The following UTS2B variants were observed in gnomAD, a reference collection of about 807,000 sequenced individuals.
UTS2B encodes urotensin 2B.
Under a neutral mutation model 19.2 loss-of-function variants are expected in UTS2B, and 21 were observed. That is an observed-to-expected ratio of 1.09 (90% CI 0.78 to 1.58). The LOEUF is 1.58. Ranked by LOEUF, UTS2B falls within the 40% of genes most tolerant of loss-of-function variation. UTS2B has a pLI of 0.00. For synonymous variants in UTS2B, 57 were observed against 50.2 expected (o/e 1.14, Z -0.58); for missense variants, 138 against 130.3 (o/e 1.06, Z -0.29).
chr3:191,286,426 C>T (rs1716545842), intron 4 of UTS2B, among the ~76,000 whole-genome samples: 1 of 152,038 alleles, frequency 6.6e-6, no homozygotes, highest in Non-Finnish European at 1.5e-5. Flanking sequence ...ATATCTTCTC[C>T]AACTGCAATG....
chr3:191,277,348 C>A (rs1716264914), intron 6 of UTS2B, among the ~76,000 whole-genome samples: 1 of 151,858 alleles, frequency 6.6e-6, no homozygotes, highest in Non-Finnish European at 1.5e-5. Flanking sequence ...AGTTTAAAAA[C>A]CCTGAATTTT....
intron 3 of UTS2B, among the ~76,000 whole-genome samples, 172 bp downstream of exon 3, chr3:191,315,864 T>G (rs1717433324): frequency 6.6e-6 from 1 of 152,240 alleles, no homozygotes. Context: ...ACACTCAGAT[T>G]CAAGGTAAAC....
chr3:191,344,072 A>G, the UTS2B span, among the ~76,000 whole-genome samples: 1 of 152,244 alleles, frequency 6.6e-6, no homozygotes, highest in Non-Finnish European at 1.5e-5. Context: ...AGTGGCTGAC[A>G]CAAGACCAGT....
In UTS2B at chr3:191,278,361, G is replaced by C. The variant is rs566436943; in HGVS notation, c.104-191C>G. Among the ~76,000 whole-genome samples the C allele has an allele frequency of 3.1e-3, 470 of 152,086 alleles. 4 individuals carry two copies. Among genetic ancestry groups the C allele is most frequent in the African/African-American group, 0.011 (441 of 41,532 alleles). ...TTGAATGAATATGGACAGTCAGACA[G>C]ACACAGAGAGAGAATATATGCATAT... is the stretch of plus-strand genomic sequence containing the variant. On this transcript the variant is annotated intron_variant, in intron 5 of 8. Transcript: ENST00000340524.
chr3:191,301,102 C>G (rs1290416626), intron 4 of UTS2B, among the ~76,000 whole-genome samples: 1 of 125,996 alleles, frequency 7.9e-6, no homozygotes, highest in Non-Finnish European at 1.8e-5. Context: ...AAATATGTCA[C>G]CTTCTTTCCT....
At chr3:191,288,415 C>T (rs570199382) in intron 4 of UTS2B, among the ~76,000 whole-genome samples, 13 of 152,240 alleles carry the variant, frequency 8.5e-5, no homozygotes, top group African/African-American at 3.1e-4. Context: ...ATGCCACTGG[C>T]ATAACAACAG....
Position 191,324,265 on chromosome 3 carries a change from T to C in UTS2B, c.-586+4366A>G, listed in dbSNP as rs76866246. 7.1e-3 allele frequency among the ~76,000 whole-genome samples: 1,089 copies of C among 152,328 alleles called. 6 individuals carry two copies. Among genetic ancestry groups the C allele is most frequent in the Non-Finnish European group, 0.011 (770 of 68,026 alleles). On this transcript the variant is annotated intron_variant, in intron 2 of 8. Coordinates refer to ENST00000340524, the MANE Select transcript of UTS2B (RefSeq NM_198152.5). The stretch of plus-strand genomic sequence containing the variant: ...CTCTTACCAGATGGGACTCCTTCAA[T>C]TGGAGGCATTCATAAGTGTAACAAA...
chr3:191,316,075 G>A lies in UTS2B; in HGVS notation c.-221C>T, dbSNP rs1001114179. On this transcript the variant is annotated 5_prime_UTR_variant, in exon 3 of 9. Transcript: ENST00000340524. ...GCTTCTCTTGACATAGCTCAAGTGG[G>A]TTTTGAAGATCAGTTTCCAAAGTGG... is the stretch of plus-strand genomic sequence containing the variant. The A allele has an allele frequency of 3.9e-5, 6 of 152,172 alleles. No individual in the cohort carries two copies. Among genetic ancestry groups the A allele is most frequent in the Admixed American group, 3.3e-4 (5 of 15,280 alleles). 9.4% of individuals were successfully genotyped at this position (152,172 alleles called of 1,614,324 possible).
At chr3:191,289,675 CAG>C (rs1171730004) in intron 4 of UTS2B, among the ~76,000 whole-genome samples, 1 of 151,824 alleles carries the variant, frequency 6.6e-6, no homozygotes, top group Non-Finnish European at 1.5e-5. Context: ...TAAAATAAAA[CAG>C]ACACAGAAGG....
upstream of UTS2B, among the ~76,000 whole-genome samples, chr3:191,332,170 G>A (rs1718011343): frequency 6.6e-6 from 1 of 152,174 alleles, no homozygotes; most frequent in African/African-American, 2.4e-5. Flanking sequence ...GAGGTCGTGG[G>A]TAGCAGCTGA....
Position 191,316,029 on chromosome 3 carries a change from T to G in UTS2B, c.-182+7A>C, listed in dbSNP as rs1050021237. ...CAAATTGGGTAAGGTCAGAGAGCTCTTCTTACCTGTGTCACAGGTGGCTTC... is the reference window on the plus strand; with the variant it reads ...CAAATTGGGTAAGGTCAGAGAGCTCGTCTTACCTGTGTCACAGGTGGCTTC... On this transcript the variant is annotated splice_region_variant and intron_variant, in intron 3 of 8. Coordinates refer to ENST00000340524, the MANE Select transcript of UTS2B (RefSeq NM_198152.5). 1.1e-4 allele frequency: 16 copies of G among 152,364 alleles called. No individual in the cohort carries two copies. The highest frequency in any genetic ancestry group is 3.6e-4 in the African/African-American group (15 of 41,592). The allele number at this position is 152,364 out of a possible 1,614,324, so 9.4% of individuals were successfully genotyped here.
intron 2 of UTS2B, 123 bp from the exon 3 acceptor site, chr3:191,316,562 A>ACATTTTACAGAGAGCTGATTGGTC (rs1717458642): frequency 6.6e-6 from 1 of 152,266 alleles, no homozygotes; most frequent in African/African-American, 2.4e-5. Flanking sequence ...GCTGATCGGT[A>ACATTTTACAGAGAGCTGATTGGTC]CATTTTACAG....
At chr3:191,332,398 A>T (rs1718020820), upstream of UTS2B, among the ~76,000 whole-genome samples, 1 of 152,228 alleles carries the variant, frequency 6.6e-6, no homozygotes, top group African/African-American at 2.4e-5. Flanking sequence ...GAAAAGAATC[A>T]AGTCAACTAA....
rs78813107 is a variant in UTS2B, at chr3:191,317,127, G to A, written c.-585-688C>T. ...ATGGGGGTGGGGGCTCGGGCATAGC[G>A]GGCTGCAGTACCCCAGCCCTGCCCC... On this transcript the variant is annotated intron_variant, in intron 2 of 8. Transcript: ENST00000340524. 2.2e-3 allele frequency among the ~76,000 whole-genome samples: 337 copies of A among 152,344 alleles called. 2 individuals are homozygous for A. Among genetic ancestry groups the A allele is most frequent in the African/African-American group, 7.3e-3 (305 of 41,588 alleles).
chr3:191,319,910 C>G (rs764018620), intron 2 of UTS2B, among the ~76,000 whole-genome samples: 1 of 148,778 alleles, frequency 6.7e-6, no homozygotes, highest in Non-Finnish European at 1.5e-5. Flanking sequence ...AAAAACCTTA[C>G]TTTTTGGAAA....
At chr3:191,318,117 C>T (rs1411711542) in intron 2 of UTS2B, among the ~76,000 whole-genome samples, 1 of 152,168 alleles carries the variant, frequency 6.6e-6, no homozygotes, top group Non-Finnish European at 1.5e-5. Flanking sequence ...CGATGAGAAG[C>T]AATGTTGTGG....
At chr3:191,288,277 T>C (rs563119414) in intron 4 of UTS2B, among the ~76,000 whole-genome samples, 48 of 152,210 alleles carry the variant, frequency 3.2e-4, no homozygotes, top group African/African-American at 1.1e-3. Flanking sequence ...ATAAAAGCAA[T>C]CCTAAAATTT....
chr3:191,345,039 G>A, the UTS2B span, among the ~76,000 whole-genome samples: 1 of 152,146 alleles, frequency 6.6e-6, no homozygotes, highest in Non-Finnish European at 1.5e-5. Flanking sequence ...CAGAGCCCAG[G>A]AATCAATTTG....
chr3:191,292,813 T>C (rs762069090), intron 4 of UTS2B, among the ~76,000 whole-genome samples: 1 of 152,184 alleles, frequency 6.6e-6, no homozygotes. Context: ...CTTTACCAGA[T>C]TGAGGAAGTT....
Sources: allele counts gnomAD v4.1 joint callset (sites outside exome capture counted in the v4.1 genomes callset), GRCh38; gene constraint gnomAD v4.1.1; transcripts MANE v1.5; gene names NCBI Gene and HGNC (gene_info 2026-07-23, HGNC 2026-07-21).